RBFOX1: variants seen among roughly 807,000 people sequenced by gnomAD.
The protein encoded by RBFOX1 is RNA binding fox-1 homolog 1.
Under a neutral mutation model 57.7 loss-of-function variants are expected in RBFOX1, and 8 were observed. That is an observed-to-expected ratio of 0.14 (90% CI 0.08 to 0.25). RBFOX1 has a LOEUF of 0.25. Ranked by LOEUF, RBFOX1 falls within the 10% of genes least tolerant of loss-of-function variation. The pLI is 1.00. For missense variants in RBFOX1, 611 were observed against 548.5 expected (o/e 1.11, Z -1.14); for synonymous variants, 326 against 222.4 (o/e 1.47, Z -4.15).
intron 1 of RBFOX1, among the ~76,000 whole-genome samples, chr16:6,047,066 C>G (rs1042840016): frequency 1.2e-4 from 19 of 152,072 alleles, no homozygotes; most frequent in African/African-American, 4.1e-4. Flanking sequence ...TATTCTCGGA[C>G]CCAAGGAAGA....
At chr16:7,513,956 C>G (rs1445129692) in intron 4 of RBFOX1, among the ~76,000 whole-genome samples, 1 of 152,208 alleles carries the variant, frequency 6.6e-6, no homozygotes, top group Non-Finnish European at 1.5e-5. Flanking sequence ...GCTATCACCC[C>G]TCTTTGGTTT....
At chr16:7,158,203 G>T (rs756970224) in intron 4 of RBFOX1, among the ~76,000 whole-genome samples, 3 of 151,988 alleles carry the variant, frequency 2.0e-5, no homozygotes, top group African/African-American at 7.2e-5. Flanking sequence ...AAAATTAGCC[G>T]AGCGTGCCGG....
At chr16:5,518,556 G>C (rs1472028930) in intron 2 of RBFOX1, among the ~76,000 whole-genome samples, 3 of 152,204 alleles carry the variant, frequency 2.0e-5, no homozygotes, top group African/African-American at 7.2e-5. Context: ...TGTTAATTTA[G>C]AGTAGATTAA....
chr16:5,417,829 C>G (rs1297204161), intron 1 of RBFOX1, among the ~76,000 whole-genome samples: 1 of 152,092 alleles, frequency 6.6e-6, no homozygotes, highest in African/African-American at 2.4e-5. Context: ...ACCTGTAATC[C>G]CAGCACTTTG....
chr16:7,493,240 C>G (rs1486465422), intron 4 of RBFOX1, among the ~76,000 whole-genome samples: 1 of 152,026 alleles, frequency 6.6e-6, no homozygotes, highest in African/African-American at 2.4e-5. Context: ...GACTAACACA[C>G]TCAGTCAGAC....
At chr16:7,356,831 C>G (rs947600553) in intron 4 of RBFOX1, among the ~76,000 whole-genome samples, 1 of 152,214 alleles carries the variant, frequency 6.6e-6, no homozygotes. Context: ...GTTTAGTGGA[C>G]TTACTATTAT....
At chr16:6,520,753 T>C (rs1472893451) in intron 2 of RBFOX1, among the ~76,000 whole-genome samples, 2 of 152,142 alleles carry the variant, frequency 1.3e-5, no homozygotes, top group Admixed American at 6.6e-5. Context: ...TTCGATCAAG[T>C]GCCAGTCCCT....
chr16:6,326,593 A>T (rs1389263025), intron 2 of RBFOX1, among the ~76,000 whole-genome samples: 20 of 152,080 alleles, frequency 1.3e-4, no homozygotes, highest in Admixed American at 1.3e-3. Flanking sequence ...CCCAGCAATG[A>T]CCATTTACGC....
intron 4 of RBFOX1, among the ~76,000 whole-genome samples, chr16:7,172,470 C>T (rs911938993): frequency 4.6e-5 from 7 of 152,160 alleles, no homozygotes; most frequent in Admixed American, 1.3e-4. Context: ...CCACAACCAC[C>T]CTTTGATCCC....
chr16:6,780,189 A>T (rs866742634), intron 3 of RBFOX1, among the ~76,000 whole-genome samples: 2 of 26,344 alleles, frequency 7.6e-5, no homozygotes, highest in Non-Finnish European at 5.1e-5. Flanking sequence ...TTATATATAT[A>T]TTTATATATT....
chr16:5,814,706 A>G (rs1187436585), intron 3 of RBFOX1, among the ~76,000 whole-genome samples: 1 of 152,170 alleles, frequency 6.6e-6, no homozygotes, highest in Non-Finnish European at 1.5e-5. Context: ...AGGCGGGTGG[A>G]TCATGAGGTC....
At chr16:5,763,614 C>T (rs886411304) in intron 3 of RBFOX1, among the ~76,000 whole-genome samples, 1 of 152,238 alleles carries the variant, frequency 6.6e-6, no homozygotes, top group Non-Finnish European at 1.5e-5. Flanking sequence ...AGGCAATCCG[C>T]CGGCCTCCTG....
intron 4 of RBFOX1, among the ~76,000 whole-genome samples, chr16:7,416,836 G>A (rs544162102): frequency 1.2e-4 from 18 of 152,008 alleles, no homozygotes; most frequent in Non-Finnish European, 2.4e-4. Flanking sequence ...CCAAGGTTTG[G>A]TCTATGCACG....
At chr16:7,275,961 AGT>A (rs2095432148) in intron 4 of RBFOX1, among the ~76,000 whole-genome samples, 1 of 152,294 alleles carries the variant, frequency 6.6e-6, no homozygotes, top group African/African-American at 2.4e-5. Flanking sequence ...ACCACCACGA[AGT>A]GTGTCATCAT....
intron 2 of RBFOX1, among the ~76,000 whole-genome samples, chr16:6,424,678 T>G (rs1232281715): frequency 1.3e-5 from 2 of 151,930 alleles, no homozygotes; most frequent in Admixed American, 1.3e-4. Flanking sequence ...TACAAGGATG[T>G]TCACTGCAGC....
At chr16:6,395,200 G>C (rs1015192925) in intron 2 of RBFOX1, among the ~76,000 whole-genome samples, 2 of 152,204 alleles carry the variant, frequency 1.3e-5, no homozygotes, top group Non-Finnish European at 2.9e-5. Context: ...TTGGAATGAA[G>C]ACAGGATTTT....
At chr16:5,900,721 G>C (rs7199001) in intron 4 of RBFOX1, among the ~76,000 whole-genome samples, 25,578 of 152,066 alleles carry the variant, frequency 0.17, 2,284 homozygotes, top group Middle Eastern at 0.29. Context: ...GGGACCTGGC[G>C]GCCAGCTTCG....
intron 3 of RBFOX1, among the ~76,000 whole-genome samples, chr16:6,906,132 T>C (rs1022817012): frequency 5.3e-5 from 8 of 152,190 alleles, no homozygotes; most frequent in Non-Finnish European, 1.2e-4. Flanking sequence ...ATGCCTCACT[T>C]AGGGCTGCAA....
At chr16:5,467,174 T>TTCTCTCTCTCTC (rs34212245) in intron 1 of RBFOX1, 1 of 1,197,358 alleles carries the variant, frequency 8.4e-7, no homozygotes, top group African/African-American at 1.7e-5. Flanking sequence ...TCAATGTTTC[T>TTCTCTCTCTCTC]TCTCTCTCTC....
Sources: allele counts gnomAD v4.1 joint callset (sites outside exome capture counted in the v4.1 genomes callset), GRCh38; gene constraint gnomAD v4.1.1; transcripts MANE v1.5; gene names NCBI Gene and HGNC (gene_info 2026-07-23, HGNC 2026-07-21).